Variants in NAALADL2 observed in about 807,000 individuals in gnomAD.
The protein encoded by NAALADL2 is N-acetylated alpha-linked acidic dipeptidase like 2.
In NAALADL2, 76 loss-of-function variants were observed where a neutral mutation model predicts 87.2. The observed-to-expected ratio is 0.87, with a 90% CI of 0.72 to 1.05. The LOEUF (loss-of-function observed/expected upper bound fraction) is 1.05. Ranked by LOEUF, NAALADL2 falls within the 50% of genes least tolerant of loss-of-function variation. NAALADL2 has a pLI of 0.00. For missense variants in NAALADL2, 1,089 were observed against 945.8 expected, an observed-to-expected ratio of 1.15 and a Z score of -1.99; for synonymous variants, 354 against 331.0, an observed-to-expected ratio of 1.07 and a Z score of -0.75.
intron 11 of NAALADL2, among the ~76,000 whole-genome samples, chr3:175,641,209 C>T (rs1729242284): frequency 6.6e-6 from 1 of 152,186 alleles, no homozygotes; most frequent in South Asian, 2.1e-4. Flanking sequence ...TTAAATGCCA[C>T]TTTGTCTCCC....
intron 13 of NAALADL2, among the ~76,000 whole-genome samples, chr3:175,756,400 ATGG>A (rs1161025751): frequency 6.6e-6 from 1 of 152,162 alleles, no homozygotes; most frequent in Non-Finnish European, 1.5e-5. Context: ...ACTAGTCACA[ATGG>A]TGAAGTCATA....
At chr3:175,417,532 A>T (rs1714861346) in intron 5 of NAALADL2, among the ~76,000 whole-genome samples, 2 of 150,224 alleles carry the variant, frequency 1.3e-5, no homozygotes, top group Admixed American at 1.3e-4. Context: ...TTAAAAAAAA[A>T]CAATTCAGTA....
intron 2 of NAALADL2, among the ~76,000 whole-genome samples, chr3:175,136,089 GGT>G (rs895331532): frequency 2.0e-5 from 3 of 152,152 alleles, no homozygotes; most frequent in African/African-American, 7.2e-5. Context: ...TACTCCTTAG[GGT>G]GTAGAGAGGG....
chr3:175,215,128 A>AG (rs1742324281), intron 2 of NAALADL2, among the ~76,000 whole-genome samples: 1 of 152,116 alleles, frequency 6.6e-6, no homozygotes, highest in African/African-American at 2.4e-5. Context: ...GTCACTATTG[A>AG]GGGGTGATAT....
At chr3:175,678,693 G>A (rs564496364) in intron 11 of NAALADL2, among the ~76,000 whole-genome samples, 135 of 152,290 alleles carry the variant, frequency 8.9e-4, no homozygotes, top group African/African-American at 3.1e-3. Flanking sequence ...TTGGACACAG[G>A]GTGGGGAACA....
intron 11 of NAALADL2, chr3:175,718,222 TTGATTA>T: frequency 9.5e-7 from 1 of 1,051,558 alleles, no homozygotes; most frequent in Non-Finnish European, 1.4e-6. Context: ...TTTTTTTTTT[TTGATTA>T]GTTGCTGTAA....
At position 174,524,729 on chromosome 3, in the gene NAALADL2, A is replaced by G. The variant is rs1578083360; in HGVS notation, c.-183-25840A>G. 4.7e-5 allele frequency among the ~76,000 whole-genome samples: 7 copies of G among 149,936 alleles called. No homozygotes were observed. The South Asian group carries it at 1.5e-3, about 31-fold the overall frequency. On this transcript the variant is annotated intron_variant, in intron 1 of 3. Coordinates refer to the NAALADL2 transcript ENST00000434257. ...TGCCCAACAAATTAAAAAAAAAAAAAAGAAGAAAACATTTGTCGAGGTTGG... is the reference window on the plus strand; with the variant it reads ...TGCCCAACAAATTAAAAAAAAAAAAGAGAAGAAAACATTTGTCGAGGTTGG...
chr3:174,880,126 A>C (rs1263992818), intron 1 of NAALADL2, among the ~76,000 whole-genome samples: 1 of 151,982 alleles, frequency 6.6e-6, no homozygotes. Context: ...TATCAGCTCT[A>C]TATCGATGAT....
At chr3:174,728,988 A>C (rs1732454353) in intron 2 of NAALADL2, among the ~76,000 whole-genome samples, 1 of 152,108 alleles carries the variant, frequency 6.6e-6, no homozygotes, top group Non-Finnish European at 1.5e-5. Flanking sequence ...CTAAGTAATC[A>C]TTAGTGGACT....
chr3:174,816,422 G>A (rs1362564026), intron 3 of NAALADL2, among the ~76,000 whole-genome samples: 1 of 150,646 alleles, frequency 6.6e-6, no homozygotes, highest in Non-Finnish European at 1.5e-5. Flanking sequence ...GCGTGTGTGT[G>A]TGTGTGTGTA....
chr3:175,615,016 A>T (rs576377416), intron 10 of NAALADL2, among the ~76,000 whole-genome samples: 4 of 152,294 alleles, frequency 2.6e-5, no homozygotes, highest in African/African-American at 9.6e-5. Context: ...ACAGCAATCT[A>T]CTCTCAATTT....
intron 1 of NAALADL2, among the ~76,000 whole-genome samples, chr3:174,512,965 T>A (rs1241825481): frequency 6.6e-6 from 1 of 152,022 alleles, no homozygotes; most frequent in African/African-American, 2.4e-5. Context: ...CTTGATTTTT[T>A]TTTTTTTTTT....
intron 5 of NAALADL2, among the ~76,000 whole-genome samples, chr3:175,391,601 C>A (rs1444189452): frequency 6.6e-6 from 1 of 152,122 alleles, no homozygotes; most frequent in African/African-American, 2.4e-5. Flanking sequence ...AGTGAATACT[C>A]TTGAATTAAG....
chr3:174,447,184 T>C (rs1360380293), intron 1 of NAALADL2, among the ~76,000 whole-genome samples: 2 of 152,118 alleles, frequency 1.3e-5, no homozygotes, highest in Admixed American at 1.3e-4. Flanking sequence ...TTGTAATATG[T>C]CATAGTTTGA....
At chr3:175,790,191 C>T (rs902891589) in intron 13 of NAALADL2, among the ~76,000 whole-genome samples, 2 of 151,888 alleles carry the variant, frequency 1.3e-5, no homozygotes, top group Non-Finnish European at 2.9e-5. Flanking sequence ...GCATTACTAT[C>T]AATCAATAAA....
rs1194565463 is a variant in NAALADL2, at chr3:175,030,206, T to G, written c.44-66584T>G. ...TTTGCACACTTGTTGTTTAATAAGA[T>G]GTTTGCTGCTATTTATGCTTTCCTC... On this transcript the variant is annotated intron_variant, in intron 1 of 13. Coordinates refer to ENST00000454872, the MANE Select transcript of NAALADL2 (RefSeq NM_207015.3). Among the ~76,000 whole-genome samples the G allele has an allele frequency of 3.3e-5, 5 of 152,210 alleles. No individual in the cohort carries two copies. The East Asian group carries it at 9.7e-4, about 29-fold the overall frequency.
At position 175,803,003 on chromosome 3, in the gene NAALADL2, A is replaced by G; in HGVS notation, c.2190-2A>G. ...ATTTATACATTTTGTATTTCTTTTC[A>G]GAAACATCCTCTACCACCTTGATGA... On this transcript the variant is annotated splice_acceptor_variant, in intron 13 of 13. Transcript: ENST00000454872. LOFTEE classifies it high-confidence loss of function. 1 of 1,605,236 alleles carries G rather than the reference A, an allele frequency of 6.2e-7. No homozygotes were observed. Among genetic ancestry groups the G allele is most frequent in the Non-Finnish European group, 8.5e-7 (1 of 1,173,426 alleles).
intron 13 of NAALADL2, among the ~76,000 whole-genome samples, chr3:175,762,094 A>G (rs2150151130): frequency 6.6e-6 from 1 of 151,488 alleles, no homozygotes; most frequent in East Asian, 1.9e-4. Flanking sequence ...ATTTTCTGTT[A>G]TATTATCTTC....
intron 1 of NAALADL2, among the ~76,000 whole-genome samples, chr3:174,964,921 A>T (rs1742649225): frequency 6.6e-6 from 1 of 151,798 alleles, no homozygotes; most frequent in Non-Finnish European, 1.5e-5. Flanking sequence ...GAAAATATCT[A>T]GTTGGATTGA....
Sources: gnomAD v4.1 joint callset for allele counts (sites outside exome capture counted in the v4.1 genomes callset) on GRCh38, gnomAD v4.1.1 for gene constraint, MANE v1.5 for transcripts, NCBI Gene and HGNC (gene_info 2026-07-23, HGNC 2026-07-21) for gene names.